Variants in IL27RA observed in about 807,000 individuals in gnomAD.
IL27RA encodes interleukin 27 receptor subunit alpha.
IL27RA carries 61 observed loss-of-function variants against 80.8 expected under a neutral mutation model. That is an observed-to-expected ratio of 0.76 (90% confidence interval 0.61 to 0.93). The LOEUF (loss-of-function observed/expected upper bound fraction) is 0.93, where lower values mean the gene tolerates loss of function less well. Among genes scored for constraint, IL27RA ranks in the 40% least tolerant of loss-of-function variants. The probability of loss-of-function intolerance (pLI) is 0.00; values close to 1 mark genes in which losing one functional copy is unlikely to be tolerated. For synonymous variants in IL27RA, 316 were observed against 332.5 expected (o/e 0.95, Z 0.54); for missense variants, 735 against 808.1 (o/e 0.91, Z 1.10).
At chr19:14,046,736 C>T in intron 8 of IL27RA, 118 bp downstream of exon 8, 2 of 980,906 alleles carry the variant, frequency 2.0e-6, no homozygotes, top group Admixed American at 2.8e-5. Flanking sequence ...GTGGCTCATG[C>T]CTGTAATCTC....
intron 6 of IL27RA, among the ~76,000 whole-genome samples, chr19:14,044,628 G>T (rs1316170024): frequency 6.6e-6 from 1 of 152,042 alleles, no homozygotes; most frequent in Non-Finnish European, 1.5e-5. Context: ...CAAGACCAGG[G>T]TTAGGGAGGT....
chr19:14,042,334 C>T (rs1297289325), intron 4 of IL27RA, 119 bp from the exon 5 acceptor site: 2 of 1,104,204 alleles, frequency 1.8e-6, no homozygotes, highest in Non-Finnish European at 2.6e-6. Flanking sequence ...CCACTGCACT[C>T]TAGCCTGGGC....
rs1234041547 is a variant in IL27RA at position 14,046,330 on chromosome 19, C to T, written c.945C>T (p.Val315=). 6.2e-7 allele frequency: 1 copy of T among 1,613,750 alleles called. No homozygotes were observed. The highest frequency in any genetic ancestry group is 1.1e-5 in the South Asian group (1 of 91,004). Residue 315 remains valine, a synonymous_variant, in exon 7 of 14, where the codon GTC becomes GTT. Transcript: ENST00000263379. ...AGCCTCTCACCAACCTCTCTTTGGTCTGCTTGGGTAAGAGACTGTGACCTT... is the reference window on the plus strand; with the variant it reads ...AGCCTCTCACCAACCTCTCTTTGGTTTGCTTGGGTAAGAGACTGTGACCTT... The part of the protein sequence containing the change: ...SWEPLTNLSL[V]CLDSASAPRS...
intron 10 of IL27RA, among the ~76,000 whole-genome samples, chr19:14,049,582 ATTT>A (rs767841478): frequency 2.9e-5 from 4 of 136,800 alleles, no homozygotes; most frequent in South Asian, 2.3e-4. Context: ...GTATGGTTCC[ATTT>A]TTTTTTTTTT....
intron 2 of IL27RA, among the ~76,000 whole-genome samples, chr19:14,036,479 A>G (rs1975900910): frequency 6.8e-6 from 1 of 148,016 alleles, no homozygotes; most frequent in Non-Finnish European, 1.5e-5. Flanking sequence ...GTTACAAATG[A>G]CAGGATTTCC....
intron 6 of IL27RA, among the ~76,000 whole-genome samples, chr19:14,044,954 A>G (rs1011222789): frequency 6.0e-5 from 9 of 151,134 alleles, no homozygotes; most frequent in Non-Finnish European, 1.2e-4. Flanking sequence ...TGAAACCCCC[A>G]TCTCTACTAA....
At chr19:14,045,190 G>A (rs562280393) in intron 6 of IL27RA, among the ~76,000 whole-genome samples, 120 of 151,540 alleles carry the variant, frequency 7.9e-4, no homozygotes, top group South Asian at 2.7e-3. Flanking sequence ...GGGAGGCTGA[G>A]GTGGGAGGAT....
intron 8 of IL27RA, among the ~76,000 whole-genome samples, chr19:14,047,608 T>C (rs1370906287): frequency 6.6e-6 from 1 of 151,358 alleles, no homozygotes; most frequent in Admixed American, 6.6e-5. Flanking sequence ...CCACCCGCAT[T>C]GGCCTCCCAA....
chr19:14,043,932 C>T (rs1015887197), intron 6 of IL27RA, among the ~76,000 whole-genome samples: 27 of 150,262 alleles, frequency 1.8e-4, no homozygotes, highest in Admixed American at 7.3e-4. Context: ...CCTGTAATCC[C>T]AGCTACTTAG....
Position 14,050,844 on chromosome 19 carries a change from C to G in IL27RA, c.1489C>G (p.Gln497Glu), listed in dbSNP as rs1009767187. 6.2e-7 allele frequency: 1 copy of G among 1,613,172 alleles called. No individual in the cohort carries two copies. The highest frequency in any genetic ancestry group is 8.5e-7 in the Non-Finnish European group (1 of 1,179,308). Residue 497 changes from glutamine to glutamate, a missense_variant, in exon 11 of 14, where the codon CAG (glutamine) becomes GAG (glutamate). Physicochemically the swap from Gln to Glu is conservative, Grantham distance 29 (BLOSUM62 2). Transcript: ENST00000263379. ...LWVTASTIAG[Q>E]GPPGPILRLH... ...GGTGACAGCATCTACCATCGCTGGA[C>G]AGGGCCCTCCTGGTCCCATCCTCCG...
chr19:14,048,232 A>G (rs1026599100), intron 8 of IL27RA, among the ~76,000 whole-genome samples: 5 of 151,516 alleles, frequency 3.3e-5, no homozygotes, highest in Non-Finnish European at 7.4e-5. Context: ...TGCTGGGATG[A>G]CAGGCATGAG....
In IL27RA at chr19:14,049,466, T is replaced by C. The variant is rs566532202; in HGVS notation, c.1402+152T>C. The C allele has an allele frequency of 6.6e-4, 431 of 651,244 alleles. 1 individual carries two copies. The African/African-American group carries it at 7.5e-3, about 11-fold the overall frequency. The allele number at this position is 651,244 out of a possible 1,614,324, so 40.3% of individuals were successfully genotyped here. On this transcript the variant is annotated intron_variant, in intron 10 of 13. Transcript: ENST00000263379. ...TCTTGGCTATCAATGTAACGAGCTT[T>C]CATTCGGCCATTAAAAATGAGGATG...
intron 10 of IL27RA, among the ~76,000 whole-genome samples, chr19:14,050,260 T>C (rs10424261): frequency 0.37 from 55,290 of 151,100 alleles, 11,269 homozygotes; most frequent in African/African-American, 0.54. Flanking sequence ...CCAGCACTTT[T>C]GGAGGCCGAG....
At chr19:14,044,532 C>G (rs1976036145) in intron 6 of IL27RA, among the ~76,000 whole-genome samples, 1 of 151,958 alleles carries the variant, frequency 6.6e-6, no homozygotes, top group Non-Finnish European at 1.5e-5. Flanking sequence ...AGCCACCGTG[C>G]CTGGCCGATA....
chr19:14,036,385 T>C (rs964232241), intron 2 of IL27RA, among the ~76,000 whole-genome samples: 1 of 152,080 alleles, frequency 6.6e-6, no homozygotes, highest in Non-Finnish European at 1.5e-5. Context: ...TGTTTTAGAT[T>C]CCACGTATCA....
intron 2 of IL27RA, among the ~76,000 whole-genome samples, chr19:14,032,936 C>A (rs1035650818): frequency 9.2e-5 from 14 of 151,740 alleles, no homozygotes; most frequent in African/African-American, 3.4e-4. Context: ...CTGGGCAAGT[C>A]ACTTTCCCTC....
rs1045872592 is a variant in IL27RA at position 14,052,634 on chromosome 19, G to A, written c.*344G>A. 1.4e-5 allele frequency: 3 copies of A among 216,326 alleles called. No homozygotes were observed. The highest frequency in any genetic ancestry group is 2.7e-5 in the Non-Finnish European group (3 of 110,102). The allele number at this position is 216,326 out of a possible 1,614,324, so 13.4% of individuals were successfully genotyped here. On this transcript the variant is annotated 3_prime_UTR_variant, in exon 14 of 14. Transcript: ENST00000263379. ...TAATCCCAGCACTTTGGCAGGCCAA[G>A]GTGGAAGGATCACTTAGAGCTAGGA...
chr19:14,047,456 G>A (rs1233245939), intron 8 of IL27RA, among the ~76,000 whole-genome samples: 1 of 150,624 alleles, frequency 6.6e-6, no homozygotes, highest in Non-Finnish European at 1.5e-5. Context: ...CCGGGTTCAA[G>A]CGATTCTCGT....
intron 2 of IL27RA, among the ~76,000 whole-genome samples, chr19:14,036,278 A>G (rs1975896820): frequency 6.6e-6 from 1 of 151,978 alleles, no homozygotes; most frequent in Non-Finnish European, 1.5e-5. Context: ...TACAGGTGCT[A>G]CTATGCCCAG....
Sources: gnomAD v4.1 joint callset for allele counts (sites outside exome capture counted in the v4.1 genomes callset) on GRCh38, gnomAD v4.1.1 for gene constraint, MANE v1.5 for transcripts, NCBI Gene and HGNC (gene_info 2026-07-23, HGNC 2026-07-21) for gene names.